The following TMEM269 variants were observed in gnomAD, a reference collection of about 807,000 sequenced individuals.
The protein encoded by TMEM269 is transmembrane protein 269.
In TMEM269, 12 loss-of-function variants were observed where a neutral mutation model predicts 15.8. That is an observed-to-expected ratio of 0.76 (90% CI 0.49 to 1.23). TMEM269 has a LOEUF of 1.23. TMEM269 is among the 50% of genes most tolerant of loss of function. The probability of loss-of-function intolerance (pLI) is 0.00; values close to 1 mark genes in which losing one functional copy is unlikely to be tolerated. For synonymous variants in TMEM269, 93 were observed against 99.3 expected (o/e 0.94, Z 0.38); for missense variants, 211 against 245.4 (o/e 0.86, Z 0.94).
chr1:42,798,448 G>A lies in TMEM269; in HGVS notation c.*223G>A, dbSNP rs184319887. On this transcript the variant is annotated 3_prime_UTR_variant, in exon 6 of 6. Transcript: ENST00000637012. ...TCCCTTGCGGACAATACTTGTTTATGTCATGTAGAGCAGAATATCCCCCCG... is the reference window on the plus strand; with the variant it reads ...TCCCTTGCGGACAATACTTGTTTATATCATGTAGAGCAGAATATCCCCCCG... 4 of 561,612 alleles carry A rather than the reference G, an allele frequency of 7.1e-6. No individual in the cohort carries two copies. Among genetic ancestry groups the A allele is most frequent in the Admixed American group, 3.1e-5 (1 of 32,248 alleles). The allele number at this position is 561,612 out of a possible 1,614,324, so 34.8% of individuals were successfully genotyped here.
In TMEM269 at chr1:42,794,458, G is replaced by T. The variant is rs753812964; in HGVS notation, c.329G>T (p.Cys110Phe). Residue 110 changes from cysteine (C) to phenylalanine (F), a missense_variant, in exon 5 of 6, where the codon TGC becomes TTC. Physicochemically the swap from Cys to Phe is radical, Grantham distance 205 (BLOSUM62 -2). Coordinates refer to ENST00000637012, the MANE Select transcript of TMEM269 (RefSeq NM_001354602.2). Reference protein sequence around the residue: ...YKGLPCPYASCILASTSLLTK... With the variant: ...YKGLPCPYASFILASTSLLTK... ...GGTCTACCCTGCCCCTATGCTTCCT[G>T]CATCTTGGCTTCCACCTCCCTTCTG... 1.0e-5 allele frequency: 16 copies of T among 1,550,494 alleles called. No individual in the cohort carries two copies. In the Admixed American group the frequency reaches 2.4e-4, roughly 23 times the overall value.
In TMEM269 at chr1:42,788,130, A is replaced by G. The variant is rs564613683; in HGVS notation, c.-98-1666A>G. ...GCTGCCCTGATAAACTCTAGTCCCA[A>G]ACTCCAAGTCAGCCCTCCCAGCTGC... On this transcript the variant is annotated intron_variant, in intron 1 of 5. Transcript: ENST00000637012. The surrounding 1 kb of genome is among the most constrained non-coding windows in gnomAD (Gnocchi z 4.0). 2 of 152,498 alleles carry G rather than the reference A, an allele frequency of 1.3e-5. No individual in the cohort carries two copies. Among genetic ancestry groups the G allele is most frequent in the South Asian group, 2.1e-4 (1 of 4,826 alleles). 9.4% of individuals were successfully genotyped at this position (152,498 alleles called of 1,614,324 possible).
chr1:42,791,602 C>CA (rs142878211), intron 2 of TMEM269, among the ~76,000 whole-genome samples: 2,248 of 152,222 alleles, frequency 0.015, 66 homozygotes, highest in African/African-American at 0.051. Context: ...GCATTGAATG[C>CA]ATATAGTCAA....
chr1:42,792,805 G>T lies in TMEM269; in HGVS notation c.42G>T (p.Arg14Ser), dbSNP rs1557592468. ...GLFSIIFSFS[R>S]KCHYASRMLL... The stretch of plus-strand genomic sequence containing the variant: ...TTGGGCTTGCTGGCCTGCACTTTAG[G>T]AAATGCCACTATGCCTCCCGGATGC... The change falls in exon 3 of 6, where the codon AGG becomes AGT. Residue 14 changes from arginine (R) to serine (S), a missense_variant and splice_region_variant. Transcript: ENST00000637012. The T allele has an allele frequency of 6.5e-7, 1 of 1,550,080 alleles. No homozygotes were observed. The highest frequency in any genetic ancestry group is 2.0e-5 in the Admixed American group (1 of 50,974).
Position 42,788,493 on chromosome 1 carries a change from G to A in TMEM269, c.-98-1303G>A, listed in dbSNP as rs1325387503. On this transcript the variant is annotated intron_variant, in intron 1 of 5. Coordinates refer to ENST00000637012, the MANE Select transcript of TMEM269 (RefSeq NM_001354602.2). This position sits in a 1 kb window ranked among gnomAD's most constrained non-coding sequence, Gnocchi z 4.0. ...TAAGGTGTACAAATGTGGTCTTAGA[G>A]TAAAAACAGAGACAAGACAGACTGT... 3.9e-5 allele frequency among the ~76,000 whole-genome samples: 6 copies of A among 152,116 alleles called. No homozygotes were observed. Among genetic ancestry groups the A allele is most frequent in the Non-Finnish European group, 7.4e-5 (5 of 68,020 alleles).
At position 42,791,230 on chromosome 1, in the gene TMEM269, CTAT is replaced by C. The variant is rs201108189; in HGVS notation, c.41+1298_41+1300del. On this transcript the variant is annotated intron_variant, in intron 2 of 5. Coordinates refer to ENST00000637012, the MANE Select transcript of TMEM269 (RefSeq NM_001354602.2). ...AAACACATAGTTGAAGTCAGCAACA[CTAT>C]TGGTCACCTGGATAAAATGGACATC... is the stretch of plus-strand genomic sequence containing the variant. Among the ~76,000 whole-genome samples the C allele has an allele frequency of 2.1e-3, 322 of 152,322 alleles. 2 individuals are homozygous for C. Among genetic ancestry groups the C allele is most frequent in the African/African-American group, 6.7e-3 (278 of 41,564 alleles).
In TMEM269 at chr1:42,798,684, G is replaced by C. The variant is rs1401774359; in HGVS notation, c.*459G>C. ...GTAGAGCCAATCACAGGACTCTCTT[G>C]TTGCCTAGTTTGAATGTGTGTAGGA... On this transcript the variant is annotated 3_prime_UTR_variant, in exon 6 of 6. Coordinates refer to ENST00000637012, the MANE Select transcript of TMEM269 (RefSeq NM_001354602.2). 7.1e-6 allele frequency: 1 copy of C among 140,362 alleles called. No individual in the cohort carries two copies. The highest frequency in any genetic ancestry group is 1.5e-5 in the Non-Finnish European group (1 of 66,704). The allele number at this position is 140,362 out of a possible 1,614,324, so 8.7% of individuals were successfully genotyped here.
chr1:42,798,426 C>T lies in TMEM269; in HGVS notation c.*201C>T, dbSNP rs1312514426. ...TGTCTTTATTCAGGGTTCTGACTCC[C>T]TTGCGGACAATACTTGTTTATGTCA... On this transcript the variant is annotated 3_prime_UTR_variant, in exon 6 of 6. Coordinates refer to ENST00000637012, the MANE Select transcript of TMEM269 (RefSeq NM_001354602.2). The T allele has an allele frequency of 6.4e-6, 4 of 625,798 alleles. No homozygotes were observed. The highest frequency in any genetic ancestry group is 1.8e-5 in the African/African-American group (1 of 54,422). The allele number at this position is 625,798 out of a possible 1,614,324, so 38.8% of individuals were successfully genotyped here.
intron 5 of TMEM269, among the ~76,000 whole-genome samples, chr1:42,796,217 A>G (rs1374090498): frequency 6.6e-6 from 1 of 152,158 alleles, no homozygotes; most frequent in Non-Finnish European, 1.5e-5. Flanking sequence ...CTCCTATCTC[A>G]TAACAGTAGT....
At chr1:42,789,442 G>A (rs959888162) in intron 1 of TMEM269, 40 of 1,535,400 alleles carry the variant, frequency 2.6e-5, no homozygotes, top group Non-Finnish European at 3.1e-5. Context: ...GATGGGAGAA[G>A]GGCCCCATAC....
In TMEM269 at chr1:42,789,864, G is replaced by A; in HGVS notation, c.-30G>A. 3 of 1,550,958 alleles carry A rather than the reference G, an allele frequency of 1.9e-6. No homozygotes were observed. The highest frequency in any genetic ancestry group is 2.6e-6 in the Non-Finnish European group (3 of 1,147,090). ...CCAGATAAATGAGGTTTCCTGGAAG[G>A]ATGTTACCAGTGCCTTATCTCTGGC... On this transcript the variant is annotated 5_prime_UTR_variant, in exon 2 of 6. Transcript: ENST00000637012.
intron 1 of TMEM269, among the ~76,000 whole-genome samples, chr1:42,785,449 C>T (rs983392969): frequency 3.3e-5 from 5 of 152,218 alleles, no homozygotes; most frequent in African/African-American, 9.6e-5. Flanking sequence ...ATTCAACTCT[C>T]GTCTCCTCTG....
intron 1 of TMEM269, among the ~76,000 whole-genome samples, chr1:42,785,632 C>T (rs1191127249): frequency 6.6e-6 from 1 of 152,196 alleles, no homozygotes; most frequent in Non-Finnish European, 1.5e-5. Flanking sequence ...GTGCCCGCCA[C>T]GGGCTGCCAC....
At chr1:42,790,265 G>A (rs565892092) in intron 2 of TMEM269, among the ~76,000 whole-genome samples, 39 of 152,134 alleles carry the variant, frequency 2.6e-4, no homozygotes, top group Non-Finnish European at 5.0e-4. Context: ...ACTGTTCTGG[G>A]AGGTCCGAGA....
chr1:42,791,462 T>C (rs1653683752), intron 2 of TMEM269, among the ~76,000 whole-genome samples: 1 of 152,160 alleles, frequency 6.6e-6, no homozygotes, highest in East Asian at 1.9e-4. Flanking sequence ...CACTTCTAAA[T>C]GACACGTGGA....
At chr1:42,798,024 C>A in intron 5 of TMEM269, 74 bp from the exon 6 acceptor site, 4 of 1,497,420 alleles carry the variant, frequency 2.7e-6, no homozygotes, top group Non-Finnish European at 3.6e-6. Flanking sequence ...AGGGTGGGGA[C>A]GGGAGAGTAG....
rs1195504680 is a variant in TMEM269, at chr1:42,799,437, T to C, written c.*1212T>C. The C allele has an allele frequency of 6.6e-6, 1 of 152,192 alleles. No individual in the cohort carries two copies. The highest frequency in any genetic ancestry group is 2.4e-5 in the African/African-American group (1 of 41,428). 9.4% of individuals were successfully genotyped at this position (152,192 alleles called of 1,614,324 possible). ...GAACAATGTATGTGGTAAATATACA[T>C]CTATTCTCAAATTAGATGTTTAAAA... On this transcript the variant is annotated 3_prime_UTR_variant, in exon 6 of 6. Coordinates refer to ENST00000637012, the MANE Select transcript of TMEM269 (RefSeq NM_001354602.2).
Position 42,789,345 on chromosome 1 carries a change from T to C in TMEM269, c.-98-451T>C, listed in dbSNP as rs1653637552. The C allele has an allele frequency of 3.4e-6, 4 of 1,159,530 alleles. No homozygotes were observed. In the Admixed American group the frequency reaches 8.1e-5, roughly 23 times the overall value. The allele number at this position is 1,159,530 out of a possible 1,614,324, so 71.8% of individuals were successfully genotyped here. ...CTGCAGCCCTGTGCTTCAGAAGGAGTGAACTTGGACTGTGGGACAACAGGG... is the reference window on the plus strand; with the variant it reads ...CTGCAGCCCTGTGCTTCAGAAGGAGCGAACTTGGACTGTGGGACAACAGGG... On this transcript the variant is annotated intron_variant, in intron 1 of 5. Coordinates refer to ENST00000637012, the MANE Select transcript of TMEM269 (RefSeq NM_001354602.2).
intron 1 of TMEM269, chr1:42,787,978 T>C (rs1049482706): frequency 1.3e-5 from 2 of 152,450 alleles, no homozygotes; most frequent in African/African-American, 4.8e-5. Flanking sequence ...CTTGCATTGC[T>C]TCTTGTCTTA....
Sources: gnomAD v4.1 joint callset for allele counts (sites outside exome capture counted in the v4.1 genomes callset) on GRCh38, gnomAD v4.1.1 for gene constraint, Gnocchi (gnomAD v3.1) non-coding constraint, MANE v1.5 for transcripts, NCBI Gene and HGNC (gene_info 2026-07-23, HGNC 2026-07-21) for gene names.